The following FASN variants were observed in gnomAD, a reference collection of about 807,000 sequenced individuals.
The protein encoded by FASN is 3-hydroxyacyl-[acyl-carrier-protein] dehydratase.
FASN carries 50 observed loss-of-function variants against 250.0 expected under a neutral mutation model. The observed-to-expected ratio is 0.20, with a 90% CI of 0.16 to 0.25. The LOEUF (loss-of-function observed/expected upper bound fraction) is 0.25, where lower values mean the gene tolerates loss of function less well. Ranked by LOEUF, FASN falls within the 10% of genes least tolerant of loss-of-function variation. The pLI is 1.00. For missense variants in FASN, 3,031 were observed against 3,498.5 expected, an observed-to-expected ratio of 0.87 and a Z score of 3.37; for synonymous variants, 1,909 against 1,584.0, an observed-to-expected ratio of 1.21 and a Z score of -4.87.
chr17:82,087,710 C>T lies in FASN; in HGVS notation c.3018G>A (p.Gln1006=). The change falls in exon 19 of 43, where the codon CAG becomes CAA. Residue 1006 remains glutamine (Q), a synonymous_variant. Coordinates refer to ENST00000306749, the MANE Select transcript of FASN (RefSeq NM_004104.5). The part of the protein sequence containing the change: ...LRGYDYGPHF[Q]GILEASLEGD... ...CTTCCAGGCTGGCCTCCAGGATGCC[C>T]TGGAAATGAGGGCCGTAGTCGTAGC... 1 of 1,612,090 alleles carries T rather than the reference C, an allele frequency of 6.2e-7. No individual in the cohort carries two copies. Among genetic ancestry groups the T allele is most frequent in the Non-Finnish European group, 8.5e-7 (1 of 1,179,988 alleles).
chr17:82,086,961 G>A (rs531850854), intron 21 of FASN, 89 bp downstream of exon 21: 232 of 1,484,648 alleles, frequency 1.6e-4, no homozygotes, highest in African/African-American at 1.3e-3. Flanking sequence ...AGGGGGCCCC[G>A]TGGAGAAGCA....
chr17:82,094,019 A>G (rs879380901), intron 3 of FASN: 23 of 582,268 alleles, frequency 4.0e-5, no homozygotes, highest in Admixed American at 1.1e-4. Context: ...CACAGAGGGA[A>G]CGAGGCGGAG....
Position 82,085,541 on chromosome 17 carries a change from C to T in FASN, c.4063G>A (p.Asp1355Asn), listed in dbSNP as rs768259662. The change falls in exon 23 of 43, where the codon GAC becomes AAC. Residue 1355 changes from aspartate to asparagine, a missense_variant. Physicochemically the swap from Asp to Asn is conservative, Grantham distance 23. Transcript: ENST00000306749. ...HTLLRGHPLG[D>N]IVAFLTSTEP... ...GTGGAGGTGAGGAAGGCCACGATGT[C>T]CCCGAGGGGGTGCCCCCGGAGCAGT... is the stretch of plus-strand genomic sequence containing the variant. 16 of 1,595,868 alleles carry T rather than the reference C, an allele frequency of 1.0e-5. No individual in the cohort carries two copies. Among genetic ancestry groups the T allele is most frequent in the South Asian group, 1.1e-5 (1 of 88,530 alleles).
chr17:82,096,927 G>A (rs2034314660), intron 1 of FASN: 1 of 246,184 alleles, frequency 4.1e-6, no homozygotes, highest in South Asian at 4.7e-5. Context: ...GGCCATCAAA[G>A]AAATGGAGAG....
At position 82,090,559 on chromosome 17, in the gene FASN, G is replaced by A. The variant is rs757340305; in HGVS notation, c.1686C>T (p.Gly562=). 71 of 1,610,548 alleles carry A rather than the reference G, an allele frequency of 4.4e-5. No individual in the cohort carries two copies. The Admixed American group carries it at 1.2e-3, about 27-fold the overall frequency. The part of the protein sequence containing the change: ...SFVSLTAIQI[G]LIDLLSCMGL... ...CCATGCAGCTCAGCAGGTCTATGAG[G>A]CCTATCTGGGGTGGGAACAGGACAC... The change falls in exon 11 of 43, where the codon GGC becomes GGT. Residue 562 remains glycine (G), a synonymous_variant. Coordinates refer to ENST00000306749, the MANE Select transcript of FASN (RefSeq NM_004104.5).
chr17:82,091,847 G>A (rs572975121), intron 8 of FASN, among the ~76,000 whole-genome samples, 163 bp from the exon 9 acceptor site: 3 of 152,154 alleles, frequency 2.0e-5, no homozygotes, highest in South Asian at 2.1e-4. Flanking sequence ...ACAGGGGTCC[G>A]AGGACTGAGC....
At chr17:82,082,477 C>A (rs752557459) in intron 34 of FASN, 50 bp downstream of exon 34, 1 of 1,611,266 alleles carries the variant, frequency 6.2e-7, no homozygotes, top group East Asian at 2.2e-5. Context: ...CCCAGGGTCC[C>A]CCCCTTGGTC....
At chr17:82,080,028 T>A in intron 41 of FASN, 112 bp downstream of exon 41, 1 of 1,176,496 alleles carries the variant, frequency 8.5e-7, no homozygotes, top group South Asian at 1.2e-5. Context: ...ATTAAAGGGG[T>A]GAAGTTGGGG....
At chr17:82,090,263 GCGGGGGCCACTCTATCCTA>G in intron 11 of FASN, 93 bp downstream of exon 11, 1 of 1,098,064 alleles carries the variant, frequency 9.1e-7, no homozygotes, top group Non-Finnish European at 1.3e-6. Context: ...CCCCGGGCCA[GCGGGGGCCACTCTATCCTA>G]CGGGGGCCAG....
rs756562385 is a variant in FASN, at chr17:82,085,791, C to T, written c.3813G>A (p.Thr1271=). The T allele has an allele frequency of 1.7e-5, 26 of 1,562,626 alleles. No individual in the cohort carries two copies. The highest frequency in any genetic ancestry group is 2.7e-5 in the African/African-American group (2 of 73,898). ...GGGCCTGGGGGTGGCGGTCGGTGGC[C>T]GTGTAGCTCAGCTGCAGCAGGGGAT... ...SPHPLLQLSY[T]ATDRHPQALE... Residue 1271 remains threonine (T), a synonymous_variant, in exon 23 of 43, where the codon ACG becomes ACA. Transcript: ENST00000306749.
chr17:82,081,489 C>A (rs2033986101), intron 37 of FASN, 112 bp downstream of exon 37: 4 of 1,588,456 alleles, frequency 2.5e-6, no homozygotes, highest in Middle Eastern at 3.7e-4. Flanking sequence ...GCGCCCGCAC[C>A]CTGGCTCTGC....
chr17:82,079,989 T>G, intron 41 of FASN, 151 bp downstream of exon 41: 2 of 882,550 alleles, frequency 2.3e-6, no homozygotes, highest in Non-Finnish European at 3.6e-6. Flanking sequence ...ATTACAGGCA[T>G]GAGCAACCGC....
chr17:82,086,850 G>A (rs4502283), intron 21 of FASN, among the ~76,000 whole-genome samples, 200 bp downstream of exon 21: 37,288 of 148,356 alleles, frequency 0.25, 4,903 homozygotes, highest in African/African-American at 0.31. Context: ...CAAGACTGAG[G>A]AACAGTGACC....
chr17:82,088,314 G>T lies in FASN; in HGVS notation c.2594-7C>A. On this transcript the variant is annotated splice_polypyrimidine_tract_variant and splice_region_variant and intron_variant, in intron 16 of 42. Transcript: ENST00000306749. ...GGAGACTCGGAGCTGGTGTCTGCGG[G>T]AGGGCACAGGCCTCAGCACAGAGCG... 1.2e-6 allele frequency: 2 copies of T among 1,608,108 alleles called. No homozygotes were observed. Among genetic ancestry groups the T allele is most frequent in the Non-Finnish European group, 1.7e-6 (2 of 1,179,934 alleles).
chr17:82,082,109 A>G lies in FASN; in HGVS notation c.6063T>C (p.Ser2021=). Residue 2021 remains serine (S), a synonymous_variant, in exon 36 of 43, where the codon TCT becomes TCC. Transcript: ENST00000306749. ...CCGCATTGCCACGCCCGCAGCTCAC[A>G]GAGGAGAAGACCACAAAGTAGTCCA... is the stretch of plus-strand genomic sequence containing the variant. ...PELDYFVVFS[S]VSCGRGNAGQ... is the part of the protein sequence containing the mutation. 6.2e-7 allele frequency: 1 copy of G among 1,608,348 alleles called. No individual in the cohort carries two copies.
intron 11 of FASN, 96 bp downstream of exon 11, chr17:82,090,279 C>A: frequency 7.7e-7 from 1 of 1,293,016 alleles, no homozygotes; most frequent in Non-Finnish European, 1.1e-6. Flanking sequence ...GCCACTCTAT[C>A]CTACGGGGGC....
At chr17:82,081,020 C>T (rs780332733) in intron 38 of FASN, 98 bp from the exon 39 acceptor site, 32 of 1,390,974 alleles carry the variant, frequency 2.3e-5, no homozygotes, top group African/African-American at 4.3e-5. Context: ...CACGGTGCTA[C>T]GTCAGGTGGG....
At position 82,093,733 on chromosome 17, in the gene FASN, C is replaced by T. The variant is rs549669954; in HGVS notation, c.319G>A (p.Val107Ile). The change falls in exon 4 of 43, where the codon GTC (valine) becomes ATC (isoleucine). Residue 107 changes from valine to isoleucine, a missense_variant. Val to Ile is a conservative substitution (Grantham distance 29). Coordinates refer to ENST00000306749, the MANE Select transcript of FASN (RefSeq NM_004104.5). ...PDSLRGTHTG[V>I]WVGVSGSETS... ...TCAGAGCCGCTCACGCCCACCCAGA[C>T]GCCAGTGTGTGTTCCTCGGAGTGAA... 22 of 1,612,752 alleles carry T rather than the reference C, an allele frequency of 1.4e-5. 1 individual carries two copies. The highest frequency in any genetic ancestry group is 9.3e-5 in the African/African-American group (7 of 75,056).
intron 19 of FASN, 42 bp from the exon 20 acceptor site, chr17:82,087,546 C>T (rs368383037): frequency 1.0e-4 from 164 of 1,608,296 alleles, no homozygotes; most frequent in Non-Finnish European, 1.4e-4. Context: ...CTCCCAGGTC[C>T]CTGGGGCCAC....
Sources: allele counts gnomAD v4.1 joint callset (sites outside exome capture counted in the v4.1 genomes callset), GRCh38; gene constraint gnomAD v4.1.1; transcripts MANE v1.5; gene names NCBI Gene and HGNC (gene_info 2026-07-23, HGNC 2026-07-21).